TFEC: variants seen among roughly 807,000 people sequenced by gnomAD.
The protein encoded by TFEC is transcription factor EC.
A neutral mutation model predicts 41.6 loss-of-function variants in TFEC; 31 were observed. The observed-to-expected ratio is 0.74, with a 90% confidence interval of 0.56 to 1.01. The LOEUF is 1.01. Among genes scored for constraint, TFEC ranks in the 50% least tolerant of loss-of-function variants. TFEC has a pLI of 0.00. For missense variants in TFEC, 402 were observed against 404.1 expected, an observed-to-expected ratio of 0.99 and a Z score of 0.04; for synonymous variants, 143 against 140.6, an observed-to-expected ratio of 1.02 and a Z score of -0.12.
intron 1 of TFEC, among the ~76,000 whole-genome samples, chr7:116,155,784 C>G (rs1447544106): frequency 1.3e-5 from 2 of 152,180 alleles, no homozygotes; most frequent in South Asian, 2.1e-4. Context: ...CATTCTTTGT[C>G]ACGGGGCTGC....
intron 1 of TFEC, among the ~76,000 whole-genome samples, chr7:116,123,022 C>G (rs1211586137): frequency 6.6e-6 from 1 of 151,590 alleles, no homozygotes; most frequent in African/African-American, 2.4e-5. Flanking sequence ...CTTGAGAGTA[C>G]AAATCAAAAA....
chr7:115,986,814 C>T (rs912252669), intron 1 of TFEC, among the ~76,000 whole-genome samples: 10 of 150,750 alleles, frequency 6.6e-5, no homozygotes, highest in African/African-American at 1.5e-4. Flanking sequence ...ATGTAAATGA[C>T]GAGTTAATGG....
intron 3 of TFEC, among the ~76,000 whole-genome samples, chr7:116,102,905 G>A (rs1197776073): frequency 5.9e-5 from 9 of 152,156 alleles, no homozygotes; most frequent in Admixed American, 3.9e-4. Flanking sequence ...AGTGTTAGTG[G>A]ATAATTTTGC....
chr7:115,956,990 G>C (rs548044961), intron 3 of TFEC, among the ~76,000 whole-genome samples, 197 bp from the exon 4 acceptor site: 1 of 151,922 alleles, frequency 6.6e-6, no homozygotes, highest in Non-Finnish European at 1.5e-5. Context: ...TTACAGATAA[G>C]ATGCGCTGAA....
chr7:116,126,712 T>G (rs1441077694), intron 1 of TFEC, among the ~76,000 whole-genome samples: 2 of 152,126 alleles, frequency 1.3e-5, no homozygotes, highest in Non-Finnish European at 2.9e-5. Context: ...TTATTTCCCT[T>G]TTACACTCCT....
chr7:115,941,223 T>C (rs1038062359), intron 7 of TFEC: 10 of 244,460 alleles, frequency 4.1e-5, no homozygotes, highest in African/African-American at 1.8e-4. Context: ...CATTTGGAGA[T>C]AGCAGAAAGT....
At chr7:116,105,441 A>G (rs1195008686) in intron 3 of TFEC, among the ~76,000 whole-genome samples, 1 of 152,218 alleles carries the variant, frequency 6.6e-6, no homozygotes, top group East Asian at 1.9e-4. Flanking sequence ...AATTCAATGC[A>G]GTCCAACAGA....
At chr7:116,085,384 T>C (rs1252330391) in intron 3 of TFEC, among the ~76,000 whole-genome samples, 2 of 151,912 alleles carry the variant, frequency 1.3e-5, no homozygotes, top group Non-Finnish European at 2.9e-5. Context: ...AGCTTTTAAA[T>C]AGAAATCCCA....
At chr7:116,067,410 A>G (rs1014563512) in intron 3 of TFEC, among the ~76,000 whole-genome samples, 1 of 152,060 alleles carries the variant, frequency 6.6e-6, no homozygotes, top group African/African-American at 2.4e-5. Context: ...TTGGCTCTGT[A>G]TTATAAAACA....
intron 3 of TFEC, among the ~76,000 whole-genome samples, chr7:116,058,356 C>G (rs1208604877): frequency 6.7e-6 from 1 of 149,970 alleles, no homozygotes; most frequent in Non-Finnish European, 1.5e-5. Flanking sequence ...AACCTAATAA[C>G]AGAGTTTCAA....
At chr7:116,073,386 G>T (rs570159277) in intron 3 of TFEC, among the ~76,000 whole-genome samples, 15 of 151,724 alleles carry the variant, frequency 9.9e-5, no homozygotes, top group African/African-American at 2.9e-4. Flanking sequence ...ACTCTGTTGA[G>T]ATTTCATGCA....
chr7:116,069,585 C>A (rs1235845996), intron 3 of TFEC, among the ~76,000 whole-genome samples: 4 of 151,680 alleles, frequency 2.6e-5, no homozygotes, highest in African/African-American at 9.7e-5. Context: ...TTTAGAATAA[C>A]ATGATTTATT....
At chr7:116,027,194 C>A (rs2130876862) in intron 1 of TFEC, among the ~76,000 whole-genome samples, 1 of 152,178 alleles carries the variant, frequency 6.6e-6, no homozygotes, top group African/African-American at 2.4e-5. Context: ...ACGGTAGGTA[C>A]TGGTCTAGAT....
At chr7:116,069,907 G>C (rs998107092) in intron 3 of TFEC, among the ~76,000 whole-genome samples, 1 of 151,556 alleles carries the variant, frequency 6.6e-6, no homozygotes, top group African/African-American at 2.4e-5. Context: ...TCAGCCTGTA[G>C]TGATGATGTA....
chr7:115,963,597 C>G (rs1350086287), intron 3 of TFEC, among the ~76,000 whole-genome samples: 7 of 151,676 alleles, frequency 4.6e-5, no homozygotes, highest in Non-Finnish European at 1.0e-4. Flanking sequence ...GAATGAAATT[C>G]TGATGAATGC....
chr7:116,066,821 A>G (rs1379021364), intron 3 of TFEC, among the ~76,000 whole-genome samples: 1 of 152,018 alleles, frequency 6.6e-6, no homozygotes, highest in Non-Finnish European at 1.5e-5. Context: ...TGCAATTCAC[A>G]AAAGGCTTAA....
At chr7:115,969,638 C>T (rs1793040559) in intron 3 of TFEC, among the ~76,000 whole-genome samples, 2 of 151,910 alleles carry the variant, frequency 1.3e-5, no homozygotes, top group African/African-American at 4.8e-5. Context: ...CCGAATATTT[C>T]AGAAAGTTAA....
intron 1 of TFEC, chr7:116,112,053 A>C: frequency 2.0e-6 from 2 of 979,760 alleles, no homozygotes; most frequent in East Asian, 2.3e-4. Flanking sequence ...AAAGAAAAAA[A>C]AAGAGAGAAG....
intron 1 of TFEC, among the ~76,000 whole-genome samples, chr7:116,013,025 G>A (rs1053079743): frequency 6.6e-6 from 1 of 151,924 alleles, no homozygotes; most frequent in Admixed American, 6.6e-5. Flanking sequence ...GGGCATTTTA[G>A]GTAGTTAAAT....
Sources: gnomAD v4.1 joint callset for allele counts (sites outside exome capture counted in the v4.1 genomes callset) on GRCh38, gnomAD v4.1.1 for gene constraint, MANE v1.5 for transcripts, NCBI Gene and HGNC (gene_info 2026-07-23, HGNC 2026-07-21) for gene names.